SCD5: variants seen among roughly 807,000 people sequenced by gnomAD.
SCD5 encodes the protein stearoyl-CoA desaturase 5, also known as acyl-CoA-desaturase 4.
SCD5 carries 20 observed loss-of-function variants against 30.4 expected under a neutral mutation model. That is an observed-to-expected ratio of 0.66 (90% CI 0.46 to 0.96). SCD5 has a LOEUF of 0.96. Among genes scored for constraint, SCD5 ranks in the 40% least tolerant of loss-of-function variants. The probability of loss-of-function intolerance (pLI) is 0.00; values close to 1 mark genes in which losing one functional copy is unlikely to be tolerated. For missense variants in SCD5, 381 were observed against 443.3 expected (o/e 0.86, Z 1.26); for synonymous variants, 173 against 176.4 (o/e 0.98, Z 0.16).
At chr4:82,636,940 C>G (rs1045904507) in intron 3 of SCD5, 117 bp from the exon 4 acceptor site, 10 of 794,008 alleles carry the variant, frequency 1.3e-5, no homozygotes, top group South Asian at 5.6e-5. Context: ...CCAGTCAGCT[C>G]CTTCAACGCT....
At chr4:82,795,255 A>G (rs147424772) in intron 1 of SCD5, among the ~76,000 whole-genome samples, 5 of 152,178 alleles carry the variant, frequency 3.3e-5, no homozygotes, top group Non-Finnish European at 1.5e-5. Context: ...GGTGGCAAGC[A>G]ATGGACAGGC....
chr4:82,648,989 G>A lies in SCD5; in HGVS notation c.570-12166C>T, dbSNP rs113144287. The stretch of plus-strand genomic sequence containing the variant: ...AATGTATATCATTCTGGCATATAGT[G>A]TCTAATAATGGTTCTCTTTGTTTAT... On this transcript the variant is annotated intron_variant, in intron 3 of 4. Coordinates refer to ENST00000319540, the MANE Select transcript of SCD5 (RefSeq NM_001037582.3). 6.3e-3 allele frequency among the ~76,000 whole-genome samples: 964 copies of A among 152,238 alleles called. 3 individuals carry two copies. The highest frequency in any genetic ancestry group is 0.024 in the Middle Eastern group (7 of 294).
chr4:82,657,414 T>C (rs562570131), intron 3 of SCD5, among the ~76,000 whole-genome samples: 33 of 152,328 alleles, frequency 2.2e-4, no homozygotes, highest in African/African-American at 7.5e-4. Context: ...GTTGTAGATG[T>C]GTGGCATTAT....
At position 82,780,813 on chromosome 4, in the gene SCD5, G is replaced by A. The variant is rs567849671; in HGVS notation, c.232+17493C>T. On this transcript the variant is annotated intron_variant, in intron 1 of 4. Transcript: ENST00000319540. ...GAAGAAACACCTGGCCACCCCAGGA[G>A]GCCCCAGGGGGCCAGCCTGGACGGC... Among the ~76,000 whole-genome samples the A allele has an allele frequency of 2.1e-3, 317 of 152,364 alleles. 1 individual carries two copies. Among genetic ancestry groups the A allele is most frequent in the Non-Finnish European group, 3.0e-3 (201 of 68,034 alleles).
intron 1 of SCD5, among the ~76,000 whole-genome samples, chr4:82,713,649 T>C (rs920281671): frequency 1.3e-5 from 2 of 152,222 alleles, no homozygotes; most frequent in Non-Finnish European, 2.9e-5. Flanking sequence ...TGTCTGTCTT[T>C]CCATGTATTC....
At chr4:82,746,143 A>G (rs182606147) in intron 1 of SCD5, among the ~76,000 whole-genome samples, 1 of 152,368 alleles carries the variant, frequency 6.6e-6, no homozygotes, top group African/African-American at 2.4e-5. Context: ...CTGAGATCCT[A>G]TGGCAACTGG....
intron 1 of SCD5, among the ~76,000 whole-genome samples, chr4:82,790,385 G>GTTCC (rs780467912): frequency 1.1e-4 from 16 of 152,180 alleles, no homozygotes; most frequent in Non-Finnish European, 1.6e-4. Flanking sequence ...TCCACGTTAT[G>GTTCC]TTCCTCTCTC....
At chr4:82,740,422 G>C (rs534596945) in intron 1 of SCD5, among the ~76,000 whole-genome samples, 35 of 152,288 alleles carry the variant, frequency 2.3e-4, no homozygotes, top group African/African-American at 7.7e-4. Flanking sequence ...GCTGGGTTTG[G>C]GTATTATGGA....
In SCD5 at chr4:82,715,901, T is replaced by C. The variant is rs150254830; in HGVS notation, c.233-10488A>G. Among the ~76,000 whole-genome samples the C allele has an allele frequency of 1.1e-3, 173 of 151,874 alleles. 4 individuals are homozygous for C. Among genetic ancestry groups the C allele is most frequent in the African/African-American group, 3.9e-3 (162 of 41,178 alleles). Reference sequence around the variant, plus strand: ...AGGCTGTTCTGCTTCCAGTCCACTTTTGAAAATGTTTGGCAACTGGTACTT... The same window carrying C: ...AGGCTGTTCTGCTTCCAGTCCACTTCTGAAAATGTTTGGCAACTGGTACTT... On this transcript the variant is annotated intron_variant, in intron 1 of 4. Transcript: ENST00000319540.
At chr4:82,753,938 A>C (rs868097023) in intron 1 of SCD5, among the ~76,000 whole-genome samples, 35 of 152,114 alleles carry the variant, frequency 2.3e-4, no homozygotes, top group African/African-American at 8.5e-4. Context: ...GGGAGGGTTC[A>C]AGGTTTGCCA....
intron 1 of SCD5, among the ~76,000 whole-genome samples, chr4:82,715,723 G>C (rs1720212971): frequency 6.6e-6 from 1 of 151,688 alleles, no homozygotes; most frequent in African/African-American, 2.4e-5. Flanking sequence ...GAGATGCATT[G>C]ATAAGAGGAA....
At chr4:82,650,088 G>T (rs746405248) in intron 3 of SCD5, among the ~76,000 whole-genome samples, 8 of 152,142 alleles carry the variant, frequency 5.3e-5, no homozygotes, top group African/African-American at 9.7e-5. Flanking sequence ...GGTCTCAGCC[G>T]TAGGTTGTCT....
intron 1 of SCD5, among the ~76,000 whole-genome samples, chr4:82,729,693 G>A (rs910966404): frequency 6.6e-6 from 1 of 152,144 alleles, no homozygotes; most frequent in Admixed American, 6.5e-5. Context: ...TTGAGCTGAA[G>A]GCAATTACAC....
chr4:82,757,754 G>T (rs1461566457), intron 1 of SCD5, among the ~76,000 whole-genome samples: 1 of 152,192 alleles, frequency 6.6e-6, no homozygotes, highest in Non-Finnish European at 1.5e-5. Context: ...GAGGTATTGT[G>T]AAGAATGAAC....
intron 1 of SCD5, among the ~76,000 whole-genome samples, chr4:82,739,277 G>A (rs1720820862): frequency 6.6e-6 from 1 of 152,204 alleles, no homozygotes; most frequent in Admixed American, 6.5e-5. Context: ...TGGAGGTCCT[G>A]GCCTGGAAGT....
chr4:82,655,061 A>G (rs1251452066), intron 3 of SCD5, among the ~76,000 whole-genome samples: 1 of 152,194 alleles, frequency 6.6e-6, no homozygotes, highest in Non-Finnish European at 1.5e-5. Context: ...CAAGGACCTC[A>G]TCTTAACATT....
intron 1 of SCD5, among the ~76,000 whole-genome samples, chr4:82,778,865 A>C (rs1032294447): frequency 1.3e-5 from 2 of 150,410 alleles, no homozygotes; most frequent in South Asian, 2.1e-4. Flanking sequence ...CCAACTAGCT[A>C]ATCTTTTTTT....
At chr4:82,727,592 T>C (rs1268351759) in intron 1 of SCD5, among the ~76,000 whole-genome samples, 3 of 152,206 alleles carry the variant, frequency 2.0e-5, no homozygotes, top group Non-Finnish European at 4.4e-5. Context: ...ACACCCCCAT[T>C]GACAGGCAGT....
intron 3 of SCD5, among the ~76,000 whole-genome samples, chr4:82,654,986 G>A (rs567821996): frequency 1.8e-4 from 27 of 152,292 alleles, no homozygotes; most frequent in African/African-American, 6.0e-4. Context: ...TGAAGAATGA[G>A]AGCCGTCAAG....
Sources: allele counts gnomAD v4.1 joint callset (sites outside exome capture counted in the v4.1 genomes callset), GRCh38; gene constraint gnomAD v4.1.1; transcripts MANE v1.5; gene names NCBI Gene and HGNC (gene_info 2026-07-23, HGNC 2026-07-21).